The following CATSPERT variants were observed in gnomAD, a reference collection of about 807,000 sequenced individuals.
CATSPERT encodes the protein catsper channel auxiliary subunit tau.
the CATSPERT span, among the ~76,000 whole-genome samples, chr2:201,581,637 T>G: frequency 7.2e-6 from 1 of 139,846 alleles, no homozygotes; most frequent in Non-Finnish European, 1.5e-5. Flanking sequence ...AGACGGAGTA[T>G]TGCTCTTGTT....
the CATSPERT span, among the ~76,000 whole-genome samples, chr2:201,568,375 T>C: frequency 6.6e-6 from 1 of 152,214 alleles, no homozygotes; most frequent in East Asian, 1.9e-4. Flanking sequence ...AAAGCTGATA[T>C]ACCCCTAAGT....
At chr2:201,565,090 G>A in the CATSPERT span, among the ~76,000 whole-genome samples, 33 of 142,856 alleles carry the variant, frequency 2.3e-4, no homozygotes, top group African/African-American at 7.9e-4. Flanking sequence ...GCAAAAAAAA[G>A]GACAAGAAAT....
At chr2:201,494,156 T>C in the CATSPERT span, 32 of 1,532,668 alleles carry the variant, frequency 2.1e-5, no homozygotes, top group South Asian at 3.5e-4. Flanking sequence ...AAATCTTGTT[T>C]TTTTTCCAAT....
the CATSPERT span, among the ~76,000 whole-genome samples, chr2:201,588,857 A>AC: frequency 6.6e-6 from 1 of 152,094 alleles, no homozygotes; most frequent in African/African-American, 2.4e-5. Flanking sequence ...CATCTACAAA[A>AC]CCCCATAGTC....
chr2:201,537,960 A>T, the CATSPERT span, among the ~76,000 whole-genome samples: 1 of 152,062 alleles, frequency 6.6e-6, no homozygotes, highest in Admixed American at 6.6e-5. Context: ...GCAGAATTCT[A>T]GCAAAAAAAT....
chr2:201,591,222 C>A, the CATSPERT span, among the ~76,000 whole-genome samples: 149,884 of 150,460 alleles, frequency 1, 74,657 homozygotes, highest in Middle Eastern at 1. Context: ...GTTTTCCCAG[C>A]ACCATTTATT....
chr2:201,590,125 T>A, the CATSPERT span, among the ~76,000 whole-genome samples: 1 of 151,648 alleles, frequency 6.6e-6, no homozygotes, highest in Non-Finnish European at 1.5e-5. Flanking sequence ...CCCAATGCTA[T>A]CCCTCCCTCC....
At chr2:201,580,870 A>C in the CATSPERT span, among the ~76,000 whole-genome samples, 1 of 152,282 alleles carries the variant, frequency 6.6e-6, no homozygotes, top group South Asian at 2.1e-4. Flanking sequence ...ACTCTGCCCA[A>C]ATCTTTGGCT....
the CATSPERT span, chr2:201,555,245 TG>T: frequency 6.6e-6 from 1 of 152,258 alleles, no homozygotes. Context: ...TCAGGCTTGG[TG>T]GCTCACGCCT....
the CATSPERT span, among the ~76,000 whole-genome samples, chr2:201,510,825 A>G: frequency 6.6e-6 from 1 of 152,226 alleles, no homozygotes; most frequent in African/African-American, 2.4e-5. Flanking sequence ...CAAGATATAA[A>G]CCAACAGCCA....
At chr2:201,559,161 C>T in the CATSPERT span, among the ~76,000 whole-genome samples, 537 of 152,312 alleles carry the variant, frequency 3.5e-3, 4 homozygotes, top group African/African-American at 0.012. Context: ...CCTGGCTTGC[C>T]CAATGGCCCT....
chr2:201,601,709 T>G, the CATSPERT span: 3 of 1,571,798 alleles, frequency 1.9e-6, no homozygotes, highest in Non-Finnish European at 2.6e-6. Flanking sequence ...AAGGAGCCAT[T>G]CTAATATCTA....
At chr2:201,545,336 C>G in the CATSPERT span, among the ~76,000 whole-genome samples, 2 of 152,092 alleles carry the variant, frequency 1.3e-5, no homozygotes, top group Non-Finnish European at 2.9e-5. Flanking sequence ...CGTGCCTGGC[C>G]TTAAAACTTT....
chr2:201,563,059 G>GC, the CATSPERT span, among the ~76,000 whole-genome samples: 1 of 150,902 alleles, frequency 6.6e-6, no homozygotes, highest in South Asian at 2.1e-4. Context: ...TGGTGGCCGG[G>GC]CAGAGGGGCT....
the CATSPERT span, among the ~76,000 whole-genome samples, chr2:201,546,346 G>T: frequency 6.6e-6 from 1 of 152,012 alleles, no homozygotes; most frequent in African/African-American, 2.4e-5. Context: ...AACATGTATA[G>T]GTTAGAGTAT....
the CATSPERT span, chr2:201,487,499 A>G: frequency 5.9e-6 from 6 of 1,014,502 alleles, no homozygotes; most frequent in Non-Finnish European, 8.5e-6. Context: ...GTCACACAAA[A>G]GAAGAGATCT....
chr2:201,582,285 C>G, the CATSPERT span: 1 of 1,389,220 alleles, frequency 7.2e-7, no homozygotes, highest in African/African-American at 1.5e-5. Flanking sequence ...ACACATACAT[C>G]CAATATACTA....
chr2:201,547,424 C>A, the CATSPERT span: 1 of 783,246 alleles, frequency 1.3e-6, no homozygotes, highest in African/African-American at 1.8e-5. Flanking sequence ...AAAATTTGAT[C>A]ATCACTTTTA....
chr2:201,595,409 C>T, the CATSPERT span, among the ~76,000 whole-genome samples: 17 of 152,024 alleles, frequency 1.1e-4, no homozygotes, highest in South Asian at 4.2e-4. Context: ...AGGATGGTCT[C>T]GATCTCCTGA....
Sources: gnomAD v4.1 joint callset for allele counts (sites outside exome capture counted in the v4.1 genomes callset) on GRCh38, gnomAD v4.1.1 for gene constraint, MANE v1.5 for transcripts, NCBI Gene and HGNC (gene_info 2026-07-23, HGNC 2026-07-21) for gene names.